RPS6KA2: variants seen among roughly 807,000 people sequenced by gnomAD.
RPS6KA2 encodes the protein ribosomal protein S6 kinase A2.
In RPS6KA2, 42 loss-of-function variants were observed where a neutral mutation model predicts 91.8. The observed-to-expected ratio is 0.46, with a 90% CI of 0.36 to 0.59. The LOEUF is 0.59. Ranked by LOEUF, RPS6KA2 falls within the 20% of genes least tolerant of loss-of-function variation. RPS6KA2 has a pLI of 0.00. For synonymous variants in RPS6KA2, 414 were observed against 393.6 expected, an observed-to-expected ratio of 1.05 and a Z score of -0.61; for missense variants, 798 against 978.5, an observed-to-expected ratio of 0.82 and a Z score of 2.46.
intron 6 of RPS6KA2, among the ~76,000 whole-genome samples, chr6:166,502,065 G>A (rs1003656701): frequency 6.6e-6 from 1 of 152,228 alleles, no homozygotes; most frequent in African/African-American, 2.4e-5. Context: ...CCGGGGGCTG[G>A]GGAGCTACTG....
upstream of RPS6KA2, among the ~76,000 whole-genome samples, chr6:166,632,025 C>T (rs1326890149): frequency 6.6e-6 from 1 of 152,202 alleles, no homozygotes; most frequent in South Asian, 2.1e-4. Flanking sequence ...AGCTGCCATG[C>T]GGTGCCTTCA....
chr6:166,467,965 C>G lies in RPS6KA2; in HGVS notation c.972+1876G>C, dbSNP rs1430298315. Among the ~76,000 whole-genome samples, 4 of 152,234 alleles carry G rather than the reference C, an allele frequency of 2.6e-5. No individual in the cohort carries two copies. The East Asian group carries it at 7.7e-4, about 29-fold the overall frequency. On this transcript the variant is annotated intron_variant, in intron 11 of 20. Transcript: ENST00000265678. ...TGGTCCCACCTTAACCACTGGCAGG[C>G]AGGGGAGGGGATGCAACATGCTGTG...
At chr6:166,776,800 T>C (rs1021893013) in intron 2 of RPS6KA2, among the ~76,000 whole-genome samples, 5 of 152,378 alleles carry the variant, frequency 3.3e-5, no homozygotes, top group African/African-American at 1.2e-4. Context: ...AGTTTGTGCG[T>C]CCATTCATCC....
chr6:166,576,779 C>T (rs1583294406), intron 1 of RPS6KA2, among the ~76,000 whole-genome samples: 1 of 152,272 alleles, frequency 6.6e-6, no homozygotes, highest in East Asian at 1.9e-4. Flanking sequence ...GAAATTCAAG[C>T]CGGTTGAGGA....
intron 2 of RPS6KA2, among the ~76,000 whole-genome samples, chr6:166,838,475 AT>A (rs1313441859): frequency 6.6e-6 from 1 of 152,248 alleles, no homozygotes; most frequent in East Asian, 1.9e-4. Flanking sequence ...TGAGCAAAAA[AT>A]ATTCACAAAA....
intron 1 of RPS6KA2, among the ~76,000 whole-genome samples, chr6:166,602,740 G>A (rs1420563049): frequency 1.3e-5 from 2 of 152,226 alleles, no homozygotes; most frequent in African/African-American, 2.4e-5. Flanking sequence ...TAGCCTCCAG[G>A]TGGGAGGGAG....
intron 2 of RPS6KA2, among the ~76,000 whole-genome samples, chr6:166,771,834 C>G (rs971317013): frequency 1.3e-5 from 2 of 152,150 alleles, no homozygotes; most frequent in Admixed American, 6.5e-5. Flanking sequence ...TCGGTTGTCA[C>G]GAGTGAGCAC....
intron 2 of RPS6KA2, among the ~76,000 whole-genome samples, chr6:166,829,532 G>C (rs1262848104): frequency 7.0e-6 from 1 of 143,416 alleles, no homozygotes; most frequent in Non-Finnish European, 1.5e-5. Flanking sequence ...GGAGCTTGCA[G>C]TGAGCCAAGA....
chr6:166,429,642 G>A (rs938291237), intron 16 of RPS6KA2, among the ~76,000 whole-genome samples: 4 of 151,910 alleles, frequency 2.6e-5, no homozygotes, highest in African/African-American at 9.7e-5. Flanking sequence ...GTAGAGATGG[G>A]GTTTTGCCAT....
chr6:166,482,441 G>A (rs181734608), intron 10 of RPS6KA2, among the ~76,000 whole-genome samples: 3 of 152,348 alleles, frequency 2.0e-5, no homozygotes, highest in Admixed American at 1.3e-4. Context: ...CTTGCTGGGG[G>A]AGGAATGTCC....
intron 2 of RPS6KA2, among the ~76,000 whole-genome samples, chr6:166,823,420 T>C (rs923237660): frequency 4.4e-5 from 6 of 137,916 alleles, no homozygotes; most frequent in African/African-American, 1.6e-4. Flanking sequence ...TGTTATGCAC[T>C]GTATTGGTTT....
intron 1 of RPS6KA2, among the ~76,000 whole-genome samples, chr6:166,549,535 A>G (rs1461595339): frequency 6.6e-6 from 1 of 152,228 alleles, no homozygotes; most frequent in Non-Finnish European, 1.5e-5. Context: ...ACGCTCAGTG[A>G]AAAAAAGCAA....
chr6:166,559,635 C>T (rs1784281281), intron 1 of RPS6KA2, among the ~76,000 whole-genome samples: 1 of 152,204 alleles, frequency 6.6e-6, no homozygotes, highest in South Asian at 2.1e-4. Context: ...AAACTCTCCC[C>T]TATCCAGAAT....
intron 2 of RPS6KA2, among the ~76,000 whole-genome samples, chr6:166,769,418 G>A (rs1778406015): frequency 6.6e-6 from 1 of 152,152 alleles, no homozygotes; most frequent in South Asian, 2.1e-4. Context: ...AGAAGACGGT[G>A]TTCCTCCAAC....
At chr6:166,618,985 G>A (rs562232018) in intron 1 of RPS6KA2, among the ~76,000 whole-genome samples, 21 of 151,838 alleles carry the variant, frequency 1.4e-4, no homozygotes, top group Non-Finnish European at 2.8e-4. Context: ...AGCCCTGTGC[G>A]TATGGGCTCC....
At chr6:166,663,936 A>G (rs1313063878) in intron 2 of RPS6KA2, among the ~76,000 whole-genome samples, 1 of 152,278 alleles carries the variant, frequency 6.6e-6, no homozygotes, top group Non-Finnish European at 1.5e-5. Context: ...GGACTCCACA[A>G]ACCACTTAGA....
chr6:166,785,904 C>T, intron 2 of RPS6KA2, among the ~76,000 whole-genome samples: 1 of 151,916 alleles, frequency 6.6e-6, no homozygotes, highest in East Asian at 1.9e-4. Flanking sequence ...TCTAGAAGGT[C>T]AATAATGAAA....
At chr6:166,713,955 G>A (rs1311282673) in intron 2 of RPS6KA2, among the ~76,000 whole-genome samples, 2 of 152,200 alleles carry the variant, frequency 1.3e-5, no homozygotes, top group African/African-American at 4.8e-5. Flanking sequence ...CCAGTTCCAA[G>A]TCCCAGTGCT....
intron 12 of RPS6KA2, among the ~76,000 whole-genome samples, chr6:166,457,703 AG>A (rs1780148626): frequency 1.3e-5 from 2 of 152,244 alleles, no homozygotes; most frequent in African/African-American, 4.8e-5. Flanking sequence ...GCCCATCAAA[AG>A]TCCCGCTAAA....
Sources: allele counts gnomAD v4.1 joint callset (sites outside exome capture counted in the v4.1 genomes callset), GRCh38; gene constraint gnomAD v4.1.1; transcripts MANE v1.5; gene names NCBI Gene and HGNC (gene_info 2026-07-23, HGNC 2026-07-21).